ZC3H12B: variants seen among roughly 807,000 people sequenced by gnomAD.
The protein encoded by ZC3H12B is probable ribonuclease ZC3H12B.
A neutral mutation model predicts 43.9 loss-of-function variants in ZC3H12B; 7 were observed. The ratio of observed to expected loss-of-function variants is 0.16; its 90% CI spans 0.09 to 0.30. The LOEUF is 0.30. ZC3H12B is among the 10% of genes least tolerant of loss of function. ZC3H12B has a pLI of 1.00. For synonymous variants in ZC3H12B, 222 were observed against 241.7 expected, an observed-to-expected ratio of 0.92 and a Z score of 0.76; for missense variants, 475 against 670.2, an observed-to-expected ratio of 0.71 and a Z score of 3.22.
chrX:65,289,861 A>C, the ZC3H12B span, among the ~76,000 whole-genome samples: 1 of 110,733 alleles, frequency 9.0e-6, no homozygotes, highest in African/African-American at 3.3e-5. Flanking sequence ...TAAACATAAC[A>C]CCCAAAACTA....
At chrX:65,442,521 C>T (rs886998215) in intron 3 of ZC3H12B, among the ~76,000 whole-genome samples, 1 of 111,095 alleles carries the variant, frequency 9.0e-6, no homozygotes, top group Non-Finnish European at 1.9e-5. Flanking sequence ...GCCCAGCCGT[C>T]GACCCCCAAA....
chrX:65,046,196 C>T, the ZC3H12B span, among the ~76,000 whole-genome samples: 1 of 111,722 alleles, frequency 9.0e-6, no homozygotes, highest in African/African-American at 3.2e-5. Context: ...GAGATTCAGC[C>T]TGTCCTTTGA....
intron 3 of ZC3H12B, among the ~76,000 whole-genome samples, chrX:65,416,964 A>G (rs1181453251): frequency 9.0e-6 from 1 of 111,620 alleles, no homozygotes. Flanking sequence ...GTCTCATTCC[A>G]AGAGATATGA....
intron 3 of ZC3H12B, among the ~76,000 whole-genome samples, chrX:65,479,475 C>A (rs1420576794): frequency 9.2e-6 from 1 of 108,752 alleles, no homozygotes; most frequent in African/African-American, 3.4e-5. Context: ...TCAAGCAATT[C>A]TCCTGCCTCA....
chrX:65,220,365 A>T, the ZC3H12B span, among the ~76,000 whole-genome samples: 3 of 112,043 alleles, frequency 2.7e-5, no homozygotes, highest in South Asian at 1.1e-3. Flanking sequence ...CAATACTAAC[A>T]TTGAATGTAA....
chrX:65,377,418 T>A (rs770235782), intron 2 of ZC3H12B, among the ~76,000 whole-genome samples: 1 of 109,710 alleles, frequency 9.1e-6, no homozygotes, highest in Non-Finnish European at 1.9e-5. Context: ...TACAAGAAGG[T>A]TACAGAACCC....
the ZC3H12B span, among the ~76,000 whole-genome samples, chrX:65,227,418 C>T: frequency 2.7e-5 from 3 of 111,353 alleles, no homozygotes; most frequent in Non-Finnish European, 5.7e-5. Flanking sequence ...TAAATGCCCA[C>T]AAGAGAAAGC....
At chrX:65,155,946 C>T in the ZC3H12B span, among the ~76,000 whole-genome samples, 18 of 110,220 alleles carry the variant, frequency 1.6e-4, no homozygotes, top group Non-Finnish European at 2.1e-4. Flanking sequence ...TTCAAATTGC[C>T]TTTAAACTAT....
At chrX:65,502,894 G>A (rs747943213) in exon 5 of ZC3H12B, 9 of 1,209,594 alleles carry the variant, frequency 7.4e-6, no homozygotes, top group East Asian at 3.0e-5. Flanking sequence ...GCTGGGACCC[G>A]CTGCCCTGTA....
At chrX:65,096,648 A>G in the ZC3H12B span, among the ~76,000 whole-genome samples, 2 of 111,608 alleles carry the variant, frequency 1.8e-5, no homozygotes, top group African/African-American at 6.5e-5. Flanking sequence ...GCAGAGAATC[A>G]TTTTTTGGCC....
chrX:65,138,205 A>T, the ZC3H12B span, among the ~76,000 whole-genome samples: 10 of 112,101 alleles, frequency 8.9e-5, no homozygotes, highest in African/African-American at 3.2e-4. Context: ...TCTAACTGAA[A>T]TTTGATATCC....
chrX:65,097,708 A>G, the ZC3H12B span, among the ~76,000 whole-genome samples: 1 of 112,349 alleles, frequency 8.9e-6, no homozygotes, highest in Non-Finnish European at 1.9e-5. Context: ...AATGAAACAA[A>G]TAGAGGTTGA....
intron 3 of ZC3H12B, among the ~76,000 whole-genome samples, chrX:65,458,576 T>C (rs1427082952): frequency 6.3e-5 from 7 of 111,920 alleles, no homozygotes; most frequent in African/African-American, 9.7e-5. Context: ...CGCTCAACTA[T>C]GTGGAAACTG....
chrX:65,042,160 G>A, the ZC3H12B span, among the ~76,000 whole-genome samples: 1 of 112,572 alleles, frequency 8.9e-6, no homozygotes, highest in African/African-American at 3.2e-5. Context: ...AAGAGTAAGG[G>A]AAGGAATAGT....
At chrX:65,107,848 T>C in the ZC3H12B span, among the ~76,000 whole-genome samples, 1 of 111,147 alleles carries the variant, frequency 9.0e-6, no homozygotes, top group African/African-American at 3.3e-5. Flanking sequence ...TCTTTCTTAG[T>C]CTCGGGCAGT....
At chrX:65,249,687 G>T in the ZC3H12B span, among the ~76,000 whole-genome samples, 1 of 111,121 alleles carries the variant, frequency 9.0e-6, no homozygotes, top group South Asian at 3.8e-4. Context: ...CCATCCACGA[G>T]CATGGGATAT....
chrX:65,254,210 C>T, the ZC3H12B span, among the ~76,000 whole-genome samples: 14 of 112,620 alleles, frequency 1.2e-4, no homozygotes, highest in Admixed American at 1.0e-3. Context: ...CATGCCACTG[C>T]CACTGCTGGA....
At chrX:65,304,376 G>A in the ZC3H12B span, among the ~76,000 whole-genome samples, 2 of 111,697 alleles carry the variant, frequency 1.8e-5, no homozygotes, top group African/African-American at 6.5e-5. Context: ...TAGCACTTTG[G>A]GAGGCCAAGA....
intron 2 of ZC3H12B, among the ~76,000 whole-genome samples, chrX:65,395,682 A>G (rs1275936819): frequency 9.0e-6 from 1 of 111,723 alleles, no homozygotes; most frequent in African/African-American, 3.3e-5. Context: ...TTTTGGAATC[A>G]GGATGATTCT....
Sources: allele counts gnomAD v4.1 joint callset (sites outside exome capture counted in the v4.1 genomes callset), GRCh38; gene constraint gnomAD v4.1.1; transcripts MANE v1.5; gene names NCBI Gene and HGNC (gene_info 2026-07-23, HGNC 2026-07-21).